CCDC12: variants seen among roughly 807,000 people sequenced by gnomAD.
The protein encoded by CCDC12 is coiled-coil domain containing 12, also known as coiled-coil domain-containing protein 12.
CCDC12 carries 28 observed loss-of-function variants against 25.7 expected under a neutral mutation model. That is an observed-to-expected ratio of 1.09 (90% CI 0.81 to 1.50). The LOEUF (loss-of-function observed/expected upper bound fraction) is 1.50. CCDC12 is among the 40% of genes most tolerant of loss of function. The probability of loss-of-function intolerance (pLI) is 0.00; values close to 1 mark genes in which losing one functional copy is unlikely to be tolerated. For missense variants in CCDC12, 198 were observed against 210.0 expected (o/e 0.94, Z 0.35); for synonymous variants, 75 against 87.7 (o/e 0.86, Z 0.81).
chr3:46,967,947 T>C (rs1194305073), intron 1 of CCDC12, among the ~76,000 whole-genome samples: 2 of 152,058 alleles, frequency 1.3e-5, no homozygotes, highest in African/African-American at 4.8e-5. Flanking sequence ...CCACAATAGG[T>C]CTGAGGTAGG....
chr3:46,978,051 G>A (rs1186112848), upstream of CCDC12, among the ~76,000 whole-genome samples: 2 of 152,206 alleles, frequency 1.3e-5, no homozygotes, highest in Non-Finnish European at 2.9e-5. Flanking sequence ...GGGACAACTA[G>A]CCTCTTAGGC....
chr3:46,981,576 G>A (rs866256398), upstream of CCDC12, among the ~76,000 whole-genome samples: 60 of 152,244 alleles, frequency 3.9e-4, no homozygotes, highest in African/African-American at 1.4e-3. Flanking sequence ...GGGTCCCCTC[G>A]CCCCAGCTTC....
intron 1 of CCDC12, among the ~76,000 whole-genome samples, chr3:46,959,699 G>T (rs1484839916): frequency 6.6e-6 from 1 of 152,128 alleles, no homozygotes; most frequent in African/African-American, 2.4e-5. Flanking sequence ...TAGCCAGTGT[G>T]GGGGGACAGG....
intron 1 of CCDC12, among the ~76,000 whole-genome samples, chr3:46,966,984 C>T (rs1241949328): frequency 1.3e-5 from 2 of 152,132 alleles, no homozygotes; most frequent in South Asian, 2.1e-4. Flanking sequence ...CAGAGCGAGC[C>T]TCAGGGCACA....
chr3:46,939,068 C>CT (rs1305235980), intron 2 of CCDC12, among the ~76,000 whole-genome samples: 2 of 152,204 alleles, frequency 1.3e-5, no homozygotes, highest in Non-Finnish European at 2.9e-5. Flanking sequence ...AGGGTAGGGG[C>CT]TGTACTTTGT....
chr3:46,934,516 G>A (rs1439421362), intron 2 of CCDC12, among the ~76,000 whole-genome samples: 7 of 152,176 alleles, frequency 4.6e-5, no homozygotes, highest in Non-Finnish European at 8.8e-5. Flanking sequence ...CAGAACAGAG[G>A]TGAAGACTTC....
Position 46,940,891 on chromosome 3 carries a change from G to C in CCDC12, c.164+107C>G, listed in dbSNP as rs977173817. 4.7e-5 allele frequency: 49 copies of C among 1,052,116 alleles called. No individual in the cohort carries two copies. The African/African-American group carries it at 7.2e-4, about 16-fold the overall frequency. The allele number at this position is 1,052,116 out of a possible 1,614,324, so 65.2% of individuals were successfully genotyped here. A position where few individuals can be genotyped will look rare whatever the true frequency, so the allele number is the denominator to read the frequency against. On this transcript the variant is annotated intron_variant, in intron 2 of 6. Transcript: ENST00000683445. ...GGACAGCCATGGGCAGAAAGAAGAG[G>C]GGAGGGAACAGGGCAGACACTGAAC...
chr3:46,976,390 C>T, intron 1 of CCDC12: 16 of 1,396,642 alleles, frequency 1.1e-5, no homozygotes, highest in Non-Finnish European at 1.4e-5. Context: ...AGATGGACTG[C>T]GGGTCGCTGA....
At position 46,948,995 on chromosome 3, in the gene CCDC12, C is replaced by G. The variant is rs1402403272; in HGVS notation, c.97-7930G>C. Reference sequence around the variant, plus strand: ...GAGGAGGAAGAGGAACGAGTAGGCACCTAGTGCCCACAGAGCAGGGCAGGG... The same window carrying G: ...GAGGAGGAAGAGGAACGAGTAGGCAGCTAGTGCCCACAGAGCAGGGCAGGG... On this transcript the variant is annotated intron_variant, in intron 1 of 6. Transcript: ENST00000683445. Among the ~76,000 whole-genome samples the G allele has an allele frequency of 2.0e-5, 3 of 152,218 alleles. No individual in the cohort carries two copies. The East Asian group carries it at 5.8e-4, about 29-fold the overall frequency.
At chr3:46,969,937 CTG>C (rs898856078) in intron 1 of CCDC12, among the ~76,000 whole-genome samples, 4 of 145,124 alleles carry the variant, frequency 2.8e-5, no homozygotes, top group African/African-American at 1.0e-4. Flanking sequence ...GGGTCTCACA[CTG>C]TTGCCCGGGC....
intron 1 of CCDC12, among the ~76,000 whole-genome samples, chr3:46,962,467 A>G (rs1344249922): frequency 1.4e-5 from 2 of 145,308 alleles, no homozygotes; most frequent in Admixed American, 1.4e-4. Context: ...TTTAATTTTA[A>G]GAGCCTGAAA....
At chr3:46,935,306 C>T (rs1288684159) in intron 2 of CCDC12, among the ~76,000 whole-genome samples, 1 of 152,126 alleles carries the variant, frequency 6.6e-6, no homozygotes, top group Non-Finnish European at 1.5e-5. Context: ...TGTTCAGGCA[C>T]TTTCTGGCAT....
chr3:46,932,259 T>C (rs993004674), intron 2 of CCDC12, among the ~76,000 whole-genome samples: 3 of 152,210 alleles, frequency 2.0e-5, no homozygotes, highest in Admixed American at 6.5e-5. Context: ...TAATTCATAA[T>C]AGCTACAACA....
At chr3:46,966,973 G>A (rs1333306567) in intron 1 of CCDC12, among the ~76,000 whole-genome samples, 3 of 151,874 alleles carry the variant, frequency 2.0e-5, no homozygotes, top group African/African-American at 7.3e-5. Flanking sequence ...CTAAATACCT[G>A]CAGAGCGAGC....
intron 3 of CCDC12, among the ~76,000 whole-genome samples, chr3:46,924,752 G>A (rs1287999800): frequency 1.3e-5 from 2 of 152,202 alleles, no homozygotes; most frequent in Non-Finnish European, 2.9e-5. Context: ...GGAGGCTGAG[G>A]TTACAGTGAG....
At chr3:46,941,834 A>G (rs973063876) in intron 1 of CCDC12, among the ~76,000 whole-genome samples, 1 of 152,234 alleles carries the variant, frequency 6.6e-6, no homozygotes, top group African/African-American at 2.4e-5. Context: ...GACACCTTTC[A>G]GGCCAGAGTC....
At chr3:46,979,453 G>A, upstream of CCDC12, 1 of 157,056 alleles carries the variant, frequency 6.4e-6, no homozygotes. Flanking sequence ...TCAGACCCTG[G>A]GGAAGTCTGG....
At chr3:46,955,405 C>G (rs1053560875) in intron 1 of CCDC12, among the ~76,000 whole-genome samples, 6 of 152,166 alleles carry the variant, frequency 3.9e-5, no homozygotes, top group Admixed American at 1.3e-4. Context: ...AACAGATAAC[C>G]ACCCTATAGT....
intron 5 of CCDC12, chr3:46,922,543 C>T (rs1023721520): frequency 3.4e-6 from 2 of 591,888 alleles, no homozygotes; most frequent in African/African-American, 1.9e-5. Flanking sequence ...ACCCACCCAA[C>T]ACAAGGGACT....
Sources: gnomAD v4.1 joint callset for allele counts (sites outside exome capture counted in the v4.1 genomes callset) on GRCh38, gnomAD v4.1.1 for gene constraint, MANE v1.5 for transcripts, NCBI Gene and HGNC (gene_info 2026-07-23, HGNC 2026-07-21) for gene names.